The following ASTN2 variants were observed in gnomAD, a reference collection of about 807,000 sequenced individuals.
ASTN2 encodes astrotactin-2.
ASTN2 carries 54 observed loss-of-function variants against 139.8 expected under a neutral mutation model. That is an observed-to-expected ratio of 0.39 (90% confidence interval 0.31 to 0.48). The LOEUF (loss-of-function observed/expected upper bound fraction) is 0.48, where lower values mean the gene tolerates loss of function less well. Ranked by LOEUF, ASTN2 falls within the 20% of genes least tolerant of loss-of-function variation. ASTN2 has a pLI of 0.95. For synonymous variants in ASTN2, 756 were observed against 719.5 expected (o/e 1.05, Z -0.81); for missense variants, 1,565 against 1,725.1 (o/e 0.91, Z 1.64).
chr9:116,480,129 G>C (rs1849120203), intron 20 of ASTN2, among the ~76,000 whole-genome samples: 1 of 151,578 alleles, frequency 6.6e-6, no homozygotes, highest in Admixed American at 6.6e-5. Context: ...AGGAAGGAAA[G>C]AAGGAAGGAA....
chr9:117,048,963 C>CTTTTTTTTTTTTTTTTTTTTTTTTTTTTT (rs372277811), intron 5 of ASTN2, among the ~76,000 whole-genome samples: 2 of 89,036 alleles, frequency 2.2e-5, no homozygotes, highest in Non-Finnish European at 4.5e-5. Context: ...TCATCCATTG[C>CTTTTTTTTTTTTTTTTTTTTTTTTTTTTT]TTTTTTTTTT....
At chr9:116,954,645 C>T (rs757945117) in intron 10 of ASTN2, among the ~76,000 whole-genome samples, 11 of 145,952 alleles carry the variant, frequency 7.5e-5, no homozygotes, top group Admixed American at 6.4e-4. Flanking sequence ...TAACTATGTT[C>T]CAATAAAACT....
chr9:116,655,159 A>C (rs1328154149), intron 16 of ASTN2, among the ~76,000 whole-genome samples: 7 of 152,240 alleles, frequency 4.6e-5, no homozygotes, highest in African/African-American at 1.7e-4. Context: ...TTGTATTAAC[A>C]GTGATCCATT....
At chr9:117,083,318 T>A (rs956225971) in intron 5 of ASTN2, among the ~76,000 whole-genome samples, 1 of 152,234 alleles carries the variant, frequency 6.6e-6, no homozygotes, top group South Asian at 2.1e-4. Context: ...ACATACCTTA[T>A]ATTTTAATAA....
At chr9:117,314,323 A>G (rs1429636148) in intron 1 of ASTN2, among the ~76,000 whole-genome samples, 1 of 151,990 alleles carries the variant, frequency 6.6e-6, no homozygotes, top group African/African-American at 2.4e-5. Context: ...GGTCTGCATT[A>G]GCAATGAAGA....
chr9:117,352,601 G>T (rs923661285), intron 1 of ASTN2, among the ~76,000 whole-genome samples: 3 of 152,110 alleles, frequency 2.0e-5, no homozygotes, highest in South Asian at 2.1e-4. Flanking sequence ...CTACTGAACT[G>T]GGAAAGCCAT....
intron 16 of ASTN2, among the ~76,000 whole-genome samples, chr9:116,702,905 C>T (rs986407878): frequency 7.9e-5 from 12 of 152,142 alleles, no homozygotes; most frequent in Admixed American, 2.0e-4. Flanking sequence ...GTAGAATAAA[C>T]GTGGCGTGAG....
chr9:116,472,876 G>A (rs1352250990), intron 20 of ASTN2, among the ~76,000 whole-genome samples: 1 of 149,184 alleles, frequency 6.7e-6, no homozygotes, highest in East Asian at 2.0e-4. Flanking sequence ...GCAGTGAGCT[G>A]AGATTGTGCC....
intron 5 of ASTN2, among the ~76,000 whole-genome samples, chr9:117,055,201 A>T (rs1839022989): frequency 6.6e-6 from 1 of 152,226 alleles, no homozygotes; most frequent in African/African-American, 2.4e-5. Context: ...ACACATCTTC[A>T]TTCATTTACT....
intron 3 of ASTN2, among the ~76,000 whole-genome samples, chr9:117,201,259 C>T (rs1431971536): frequency 6.6e-6 from 1 of 151,748 alleles, no homozygotes; most frequent in Admixed American, 6.6e-5. Flanking sequence ...TTTGATTCTT[C>T]TCTCTGTTCT....
intron 6 of ASTN2, among the ~76,000 whole-genome samples, chr9:117,020,795 C>T (rs1337434079): frequency 1.3e-5 from 2 of 152,134 alleles, no homozygotes; most frequent in East Asian, 1.9e-4. Context: ...TGGCCCTTAG[C>T]GTGCAATCAG....
At chr9:116,931,286 A>G (rs1408467115) in intron 10 of ASTN2, among the ~76,000 whole-genome samples, 3 of 152,064 alleles carry the variant, frequency 2.0e-5, no homozygotes, top group African/African-American at 7.2e-5. Flanking sequence ...TATTCATTTT[A>G]TTATGGTGGA....
intron 10 of ASTN2, among the ~76,000 whole-genome samples, chr9:116,955,864 GAAAT>G: frequency 6.6e-6 from 1 of 152,296 alleles, no homozygotes. Context: ...ATGAGCAAGA[GAAAT>G]AAGCCATCTC....
chr9:117,257,572 T>C lies in ASTN2; in HGVS notation c.630+33754A>G, dbSNP rs149868569. Among the ~76,000 whole-genome samples the C allele has an allele frequency of 2.7e-3, 407 of 152,350 alleles. 2 individuals carry two copies. The highest frequency in any genetic ancestry group is 9.4e-3 in the African/African-American group (390 of 41,582). On this transcript the variant is annotated intron_variant, in intron 2 of 22. Coordinates refer to ENST00000313400, the MANE Select transcript of ASTN2 (RefSeq NM_001365068.1). Reference sequence around the variant, plus strand: ...TGAAGGTGACCTCTAGGTTTCTTTCTAGGCCAGAAACATTATTTAATGTAT... The same window carrying C: ...TGAAGGTGACCTCTAGGTTTCTTTCCAGGCCAGAAACATTATTTAATGTAT...
rs139275673 is a variant in ASTN2, at chr9:116,699,351, C to T, written c.2806+26420G>A. The T allele has an allele frequency of 4.8e-5, 77 of 1,614,208 alleles. No individual in the cohort carries two copies. The East Asian group carries it at 1.7e-3, about 36-fold the overall frequency. On this transcript the variant is annotated intron_variant, in intron 16 of 22. Transcript: ENST00000313400. The surrounding 1 kb of genome is among the most constrained non-coding windows in gnomAD (Gnocchi z 4.2). ...CTTCACCCAGGGCTTAGGCCTCAAT[C>T]TGGAGAATCGGCAGAATGAGCACCA...
At chr9:116,613,086 T>C (rs1177303751) in intron 19 of ASTN2, 1 of 152,116 alleles carries the variant, frequency 6.6e-6, no homozygotes, top group Non-Finnish European at 1.5e-5. Flanking sequence ...TAGAGAATAC[T>C]ATAAACACCT....
intron 22 of ASTN2, chr9:116,437,381 C>T: frequency 2.1e-6 from 1 of 471,250 alleles, no homozygotes; most frequent in South Asian, 1.5e-5. Flanking sequence ...GGAGCAATCT[C>T]AGATATCCTC....
intron 1 of ASTN2, among the ~76,000 whole-genome samples, chr9:117,324,004 T>C (rs1436081174): frequency 1.3e-5 from 2 of 152,170 alleles, no homozygotes; most frequent in Non-Finnish European, 2.9e-5. Flanking sequence ...TAGTCAGTCA[T>C]GTGCCCTCCT....
At chr9:117,109,927 T>C (rs1234443356) in intron 4 of ASTN2, among the ~76,000 whole-genome samples, 1 of 152,124 alleles carries the variant, frequency 6.6e-6, no homozygotes, top group East Asian at 1.9e-4. Flanking sequence ...CCTCTATGCT[T>C]CCCAATTTCC....
Sources: gnomAD v4.1 joint callset for allele counts (sites outside exome capture counted in the v4.1 genomes callset) on GRCh38, gnomAD v4.1.1 for gene constraint, Gnocchi (gnomAD v3.1) non-coding constraint, MANE v1.5 for transcripts, NCBI Gene and HGNC (gene_info 2026-07-23, HGNC 2026-07-21) for gene names.